The following AK4 variants were observed in gnomAD, a reference collection of about 807,000 sequenced individuals.
AK4 encodes the protein adenylate kinase 4, also known as adenylate kinase 4, mitochondrial.
A neutral mutation model predicts 24.6 loss-of-function variants in AK4; 13 were observed. The ratio of observed to expected loss-of-function variants is 0.53; its 90% CI spans 0.34 to 0.84. AK4 has a LOEUF of 0.84. AK4 is among the 40% of genes least tolerant of loss of function. AK4 has a pLI of 0.01. For missense variants in AK4, 192 were observed against 288.2 expected, an observed-to-expected ratio of 0.67 and a Z score of 2.42; for synonymous variants, 88 against 107.0, an observed-to-expected ratio of 0.82 and a Z score of 1.10.
intron 1 of AK4, among the ~76,000 whole-genome samples, chr1:65,183,649 C>CTGTG (rs1650985290): frequency 7.2e-5 from 8 of 111,712 alleles, no homozygotes; most frequent in African/African-American, 2.1e-4. Flanking sequence ...ATATAAATAT[C>CTGTG]CGTGTGTGTG....
intron 1 of AK4, among the ~76,000 whole-genome samples, chr1:65,185,326 G>T (rs570168102): frequency 1.3e-5 from 2 of 152,096 alleles, no homozygotes; most frequent in Non-Finnish European, 2.9e-5. Flanking sequence ...TAGTCCCTAC[G>T]ATTTCAGTAG....
chr1:65,168,145 CTT>C (rs3051710), intron 1 of AK4, among the ~76,000 whole-genome samples: 16 of 125,258 alleles, frequency 1.3e-4, no homozygotes, highest in Non-Finnish European at 6.5e-5. Flanking sequence ...TCTGCATATT[CTT>C]TTTTTTTTTT....
At chr1:65,188,713 C>T (rs1281790879) in intron 1 of AK4, among the ~76,000 whole-genome samples, 4 of 151,796 alleles carry the variant, frequency 2.6e-5, no homozygotes, top group African/African-American at 7.3e-5. Context: ...CTCCTGACCT[C>T]GTGATCCACC....
At chr1:65,196,206 T>G (rs1488100222) in intron 2 of AK4, among the ~76,000 whole-genome samples, 1 of 152,102 alleles carries the variant, frequency 6.6e-6, no homozygotes, top group African/African-American at 2.4e-5. Context: ...TAAAGGTGAT[T>G]GAATGTGGAA....
At chr1:65,160,274 G>A (rs1650117575) in intron 1 of AK4, among the ~76,000 whole-genome samples, 2 of 152,132 alleles carry the variant, frequency 1.3e-5, no homozygotes, top group Non-Finnish European at 2.9e-5. Flanking sequence ...CACTGTTCTG[G>A]AGGCTGGGAA....
At chr1:65,225,948 G>T in intron 4 of AK4, 115 bp from the exon 5 acceptor site, 6 of 1,081,180 alleles carry the variant, frequency 5.5e-6, no homozygotes, top group Non-Finnish European at 8.1e-6. Context: ...TTAGCACTTA[G>T]TGTGGTATAT....
chr1:65,183,649 CCGTGTGTGTGTGTGTGTGTGTG>C (rs1156985922), intron 1 of AK4, among the ~76,000 whole-genome samples: 59 of 111,716 alleles, frequency 5.3e-4, no homozygotes, highest in African/African-American at 2.0e-3. Flanking sequence ...ATATAAATAT[CCGTGTGTGTGTGTGTGTGTGTG>C]TGTGTGTGTG....
chr1:65,225,293 C>T (rs188638889), intron 4 of AK4, among the ~76,000 whole-genome samples: 38 of 152,174 alleles, frequency 2.5e-4, no homozygotes, highest in African/African-American at 7.2e-4. Context: ...AGGCTAAAAC[C>T]GTAAACCAGA....
intron 4 of AK4, among the ~76,000 whole-genome samples, 161 bp from the exon 5 acceptor site, chr1:65,225,902 C>G (rs1298412072): frequency 1.3e-5 from 2 of 152,062 alleles, no homozygotes; most frequent in East Asian, 3.9e-4. Flanking sequence ...TTATGTACAC[C>G]CAGTGGAGGT....
At chr1:65,212,953 A>T (rs1259661508) in intron 2 of AK4, among the ~76,000 whole-genome samples, 2 of 152,248 alleles carry the variant, frequency 1.3e-5, no homozygotes, top group Admixed American at 1.3e-4. Context: ...TATGTGAAGC[A>T]TAAAGGCTAT....
chr1:65,172,855 ATTTTTTTTTTTTT>A (rs11408059), intron 1 of AK4, among the ~76,000 whole-genome samples: 3 of 110,912 alleles, frequency 2.7e-5, no homozygotes, highest in Admixed American at 1.1e-4. Flanking sequence ...CCAGCAAGAG[ATTTTTTTTTTTTT>A]TTTTTTTTTT....
intron 1 of AK4, among the ~76,000 whole-genome samples, chr1:65,176,216 C>A (rs145058068): frequency 6.6e-6 from 1 of 152,244 alleles, no homozygotes; most frequent in Non-Finnish European, 1.5e-5. Context: ...GTAATGCCAG[C>A]CCCTCCCCTA....
At chr1:65,198,309 C>G (rs193029939) in intron 2 of AK4, among the ~76,000 whole-genome samples, 2 of 152,306 alleles carry the variant, frequency 1.3e-5, no homozygotes, top group Admixed American at 1.3e-4. Flanking sequence ...GTGGATTGCA[C>G]AATTAAAATG....
intron 1 of AK4, among the ~76,000 whole-genome samples, chr1:65,175,272 C>T (rs574009576): frequency 1.3e-4 from 20 of 152,296 alleles, no homozygotes; most frequent in African/African-American, 3.6e-4. Flanking sequence ...TCCCTGTTCC[C>T]GTTTCCCTTC....
intron 1 of AK4, among the ~76,000 whole-genome samples, chr1:65,163,493 A>C (rs931908444): frequency 6.6e-6 from 1 of 152,226 alleles, no homozygotes; most frequent in Non-Finnish European, 1.5e-5. Flanking sequence ...CAGTTTGAAC[A>C]CTCAGCAGTG....
At chr1:65,207,626 A>AT (rs1651852110) in intron 2 of AK4, among the ~76,000 whole-genome samples, 1 of 151,064 alleles carries the variant, frequency 6.6e-6, no homozygotes, top group Admixed American at 6.6e-5. Context: ...ACACGGGTAA[A>AT]TTTCGTGTAC....
intron 1 of AK4, 108 bp downstream of exon 1, chr1:65,148,660 T>TGGTCGTGCAGGCTCGTACGTGC: frequency 2.8e-6 from 4 of 1,414,646 alleles, no homozygotes; most frequent in Non-Finnish European, 3.7e-6. Context: ...CGCCCGCGTG[T>TGGTCGTGCAGGCTCGTACGTGC]GGTCGTGCAG....
rs538390021 is a variant in AK4, at chr1:65,203,327, G to C, written c.265+12498G>C. 2.7e-4 allele frequency among the ~76,000 whole-genome samples: 41 copies of C among 152,140 alleles called. No individual in the cohort carries two copies. The South Asian group carries it at 8.5e-3, about 32-fold the overall frequency. ...ATAGGTCATCAAATGGTAGACATTT[G>C]ATATTATTATTTATTATAATTGATT... is the stretch of plus-strand genomic sequence containing the variant. On this transcript the variant is annotated intron_variant, in intron 2 of 4. Transcript: ENST00000327299.
At chr1:65,157,650 G>A (rs141293354) in intron 1 of AK4, among the ~76,000 whole-genome samples, 1 of 152,216 alleles carries the variant, frequency 6.6e-6, no homozygotes, top group East Asian at 1.9e-4. Flanking sequence ...TTAGCTGGGT[G>A]TGGTTTTACA....
Sources: allele counts gnomAD v4.1 joint callset (sites outside exome capture counted in the v4.1 genomes callset), GRCh38; gene constraint gnomAD v4.1.1; transcripts MANE v1.5; gene names NCBI Gene and HGNC (gene_info 2026-07-23, HGNC 2026-07-21).